SPECC1: variants seen among roughly 807,000 people sequenced by gnomAD.
The protein encoded by SPECC1 is sperm antigen with calponin homology and coiled-coil domains 1, also known as cytospin-B.
SPECC1 carries 62 observed loss-of-function variants against 104.1 expected under a neutral mutation model. The observed-to-expected ratio is 0.60, with a 90% CI of 0.49 to 0.74. The LOEUF (loss-of-function observed/expected upper bound fraction) is 0.74, where lower values mean the gene tolerates loss of function less well. SPECC1 is among the 30% of genes least tolerant of loss of function. The pLI is 0.00. For missense variants in SPECC1, 1,306 were observed against 1,310.5 expected (o/e 1.00, Z 0.05); for synonymous variants, 513 against 501.6 (o/e 1.02, Z -0.30).
intron 1 of SPECC1, among the ~76,000 whole-genome samples, chr17:20,025,195 C>T (rs1033555318): frequency 5.3e-5 from 8 of 152,150 alleles, no homozygotes; most frequent in Admixed American, 3.3e-4. Flanking sequence ...TGGCCACCTG[C>T]CAGCCAAGGA....
intron 12 of SPECC1, among the ~76,000 whole-genome samples, chr17:20,271,482 A>G (rs2040404236): frequency 6.6e-6 from 1 of 152,002 alleles, no homozygotes; most frequent in African/African-American, 2.4e-5. Context: ...CTTTTACACA[A>G]CCTGTTACTT....
chr17:20,216,391 G>A (rs1410774988), intron 4 of SPECC1, among the ~76,000 whole-genome samples: 4 of 152,204 alleles, frequency 2.6e-5, no homozygotes, highest in African/African-American at 9.6e-5. Flanking sequence ...TGAAGTGACA[G>A]TGATTCTTTT....
At chr17:20,079,940 C>T (rs896260195) in intron 1 of SPECC1, among the ~76,000 whole-genome samples, 2 of 152,142 alleles carry the variant, frequency 1.3e-5, no homozygotes, top group African/African-American at 4.8e-5. Flanking sequence ...CATTCCATCC[C>T]TTTCTCCGCA....
intron 3 of SPECC1, among the ~76,000 whole-genome samples, chr17:20,160,754 T>A (rs1338841641): frequency 6.6e-6 from 1 of 152,228 alleles, no homozygotes; most frequent in Non-Finnish European, 1.5e-5. Flanking sequence ...CAATTCTACA[T>A]GATATACTAT....
chr17:20,104,908 G>GT, intron 2 of SPECC1, among the ~76,000 whole-genome samples: 1 of 151,982 alleles, frequency 6.6e-6, no homozygotes, highest in Non-Finnish European at 1.5e-5. Flanking sequence ...TTTAGATTTT[G>GT]TTTGTAAATC....
At chr17:20,111,070 T>C (rs2048466921) in intron 3 of SPECC1, among the ~76,000 whole-genome samples, 1 of 152,210 alleles carries the variant, frequency 6.6e-6, no homozygotes, top group Admixed American at 6.5e-5. Flanking sequence ...ACTCATTTTT[T>C]AAGAATCAGA....
At chr17:20,131,343 A>AT (rs1266599420) in intron 3 of SPECC1, among the ~76,000 whole-genome samples, 1 of 151,304 alleles carries the variant, frequency 6.6e-6, no homozygotes, top group African/African-American at 2.4e-5. Flanking sequence ...AGGCATGCTA[A>AT]TTTTTTTGTA....
chr17:20,143,007 A>G (rs1179837459), intron 3 of SPECC1, among the ~76,000 whole-genome samples: 1 of 152,022 alleles, frequency 6.6e-6, no homozygotes, highest in East Asian at 1.9e-4. Context: ...TCTCAAAAAA[A>G]ATAATAATTG....
intron 2 of SPECC1, among the ~76,000 whole-genome samples, chr17:20,101,266 A>C (rs1360336562): frequency 6.6e-6 from 1 of 152,182 alleles, no homozygotes; most frequent in Non-Finnish European, 1.5e-5. Context: ...GGTTGAACTA[A>C]TTTACACTCC....
intron 12 of SPECC1, among the ~76,000 whole-genome samples, chr17:20,269,340 C>T (rs1202494569): frequency 6.6e-6 from 1 of 152,208 alleles, no homozygotes; most frequent in African/African-American, 2.4e-5. Context: ...ATGTGCTGAA[C>T]AGCAGCTTTC....
intron 14 of SPECC1, among the ~76,000 whole-genome samples, chr17:20,311,669 A>C (rs2041938141): frequency 6.6e-6 from 1 of 152,200 alleles, no homozygotes; most frequent in Non-Finnish European, 1.5e-5. Context: ...CTGGGATTAC[A>C]GTCCAGTACA....
In SPECC1 at chr17:20,130,364, G is replaced by A. The variant is rs566394278; in HGVS notation, c.283+19802G>A. ...AGCCTGGACAACACGGCAAGATCCCGTCTCTACAAGAAATAAAAAAATTAG... is the reference window on the plus strand; with the variant it reads ...AGCCTGGACAACACGGCAAGATCCCATCTCTACAAGAAATAAAAAAATTAG... On this transcript the variant is annotated intron_variant, in intron 3 of 14. Transcript: ENST00000395527. Among the ~76,000 whole-genome samples, 17 of 152,242 alleles carry A rather than the reference G, an allele frequency of 1.1e-4. No homozygotes were observed. The South Asian group carries it at 2.1e-3, about 19-fold the overall frequency.
At chr17:20,130,921 A>T (rs1413746089) in intron 3 of SPECC1, among the ~76,000 whole-genome samples, 1 of 152,190 alleles carries the variant, frequency 6.6e-6, no homozygotes, top group Non-Finnish European at 1.5e-5. Context: ...AGTTTGCGGC[A>T]TACAAATCCT....
At position 20,253,519 on chromosome 17, in the gene SPECC1, C is replaced by T. The variant is rs1222682035; in HGVS notation, c.2613C>T (p.Tyr871=). ...GGTTTTTACAGAGGCATTCGACTTA[C>T]AGCAGTGTGCGGCCAGCCAGCAGAG... ...AVSPMQRHST[Y]SSVRPASRGV... is the part of the protein sequence containing the mutation. Residue 871 remains tyrosine (Y), a synonymous_variant, in exon 10 of 15, where the codon TAC becomes TAT. Transcript: ENST00000395527. 3 of 1,614,052 alleles carry T rather than the reference C, an allele frequency of 1.9e-6. No homozygotes were observed. Among genetic ancestry groups the T allele is most frequent in the Non-Finnish European group, 2.5e-6 (3 of 1,180,030 alleles).
At chr17:20,167,412 C>T (rs2033745032) in intron 3 of SPECC1, among the ~76,000 whole-genome samples, 1 of 152,070 alleles carries the variant, frequency 6.6e-6, no homozygotes, top group South Asian at 2.1e-4. Context: ...GGCGCAGTGG[C>T]TCACGGCCTG....
At chr17:20,253,690 T>C in intron 10 of SPECC1, 104 bp downstream of exon 10, 1 of 1,103,144 alleles carries the variant, frequency 9.1e-7, no homozygotes, top group Non-Finnish European at 1.3e-6. Flanking sequence ...ATCAGTGGCA[T>C]TTCTTGCAAG....
At chr17:20,160,877 G>A (rs9901336) in intron 3 of SPECC1, among the ~76,000 whole-genome samples, 88,094 of 152,032 alleles carry the variant, frequency 0.58, 26,199 homozygotes, top group African/African-American at 0.65. Flanking sequence ...CTCACTCCCC[G>A]TTTCTGCAAG....
intron 12 of SPECC1, among the ~76,000 whole-genome samples, chr17:20,273,942 G>C (rs148564174): frequency 1.1e-3 from 161 of 152,296 alleles, no homozygotes; most frequent in African/African-American, 2.9e-3. Flanking sequence ...TCACGAGGGG[G>C]TGAGATTGTG....
intron 12 of SPECC1, among the ~76,000 whole-genome samples, chr17:20,279,674 T>C (rs554166851): frequency 6.6e-6 from 1 of 152,340 alleles, no homozygotes; most frequent in East Asian, 1.9e-4. Context: ...ACAAAATTCC[T>C]TATAATCAAT....
Sources: allele counts gnomAD v4.1 joint callset (sites outside exome capture counted in the v4.1 genomes callset), GRCh38; gene constraint gnomAD v4.1.1; transcripts MANE v1.5; gene names NCBI Gene and HGNC (gene_info 2026-07-23, HGNC 2026-07-21).